The following CAMKK2 variants were observed in gnomAD, a reference collection of about 807,000 sequenced individuals.
The protein encoded by CAMKK2 is calcium/calmodulin dependent protein kinase kinase 2.
CAMKK2 carries 30 observed loss-of-function variants against 67.2 expected under a neutral mutation model. That is an observed-to-expected ratio of 0.45 (90% CI 0.33 to 0.61). CAMKK2 has a LOEUF of 0.61. Among genes scored for constraint, CAMKK2 ranks in the 20% least tolerant of loss-of-function variants. The pLI is 0.02. For synonymous variants in CAMKK2, 322 were observed against 326.2 expected (o/e 0.99, Z 0.14); for missense variants, 643 against 802.0 (o/e 0.80, Z 2.39).
At position 121,285,984 on chromosome 12, in the gene CAMKK2, G is replaced by T. The variant is rs1243714704; in HGVS notation, c.-60+10654C>A. On this transcript the variant is annotated intron_variant, in intron 1 of 16. Transcript: ENST00000404169. The surrounding 1 kb of genome is among the most constrained non-coding windows in gnomAD (Gnocchi z 4.1). ...CCTGCCTCAGAATGAAGTCTAAGAAGAGAGAAGAGAGGTAATGGATGGAAA... is the reference window on the plus strand; with the variant it reads ...CCTGCCTCAGAATGAAGTCTAAGAATAGAGAAGAGAGGTAATGGATGGAAA... Among the ~76,000 whole-genome samples, 3 of 152,226 alleles carry T rather than the reference G, an allele frequency of 2.0e-5. No individual in the cohort carries two copies. Among genetic ancestry groups the T allele is most frequent in the African/African-American group, 7.2e-5 (3 of 41,452 alleles).
rs942691694 is a variant in CAMKK2 at position 121,285,442 on chromosome 12, GCA to G, written c.-59-10859_-59-10858del. Among the ~76,000 whole-genome samples the G allele has an allele frequency of 5.3e-5, 8 of 152,198 alleles. No individual in the cohort carries two copies. Among genetic ancestry groups the G allele is most frequent in the Admixed American group, 1.3e-4 (2 of 15,280 alleles). On this transcript the variant is annotated intron_variant, in intron 1 of 16. Coordinates refer to ENST00000404169, the MANE Select transcript of CAMKK2 (RefSeq NM_001270485.2). This position sits in a 1 kb window ranked among gnomAD's most constrained non-coding sequence, Gnocchi z 4.1. ...CACTTGAACCCGGGAGGGGGAGGTT[GCA>G]GTGAGCCAAGATTGCACCACTGCAC...
At chr12:121,265,339 A>G (rs1894312635) in intron 5 of CAMKK2, among the ~76,000 whole-genome samples, 1 of 147,610 alleles carries the variant, frequency 6.8e-6, no homozygotes, top group Non-Finnish European at 1.5e-5. Flanking sequence ...GACACGCGTC[A>G]TATAGCTGGA....
At chr12:121,268,458 G>A (rs557013395) in intron 5 of CAMKK2, among the ~76,000 whole-genome samples, 180 bp downstream of exon 5, 22 of 152,078 alleles carry the variant, frequency 1.4e-4, no homozygotes, top group African/African-American at 2.9e-4. Flanking sequence ...GCAGTGGTGC[G>A]ATCTTGGCTC....
At chr12:121,247,597 G>T (rs981266737) in intron 14 of CAMKK2, among the ~76,000 whole-genome samples, 1 of 152,182 alleles carries the variant, frequency 6.6e-6, no homozygotes, top group African/African-American at 2.4e-5. Flanking sequence ...GAGTGGGTGT[G>T]GGTGGGTCTT....
At chr12:121,289,145 G>A (rs890873794) in intron 1 of CAMKK2, among the ~76,000 whole-genome samples, 16 of 151,940 alleles carry the variant, frequency 1.1e-4, no homozygotes, top group East Asian at 3.9e-4. Flanking sequence ...ACTCTGCCCC[G>A]TTTCCGTCAC....
At chr12:121,255,705 G>C in intron 8 of CAMKK2, 67 bp from the exon 9 acceptor site, 2 of 1,604,308 alleles carry the variant, frequency 1.2e-6, no homozygotes, top group Non-Finnish European at 1.7e-6. Flanking sequence ...CTCATGAGCA[G>C]AGCCCAGTGG....
rs368739808 is a variant in CAMKK2 at position 121,289,163 on chromosome 12, GC to G, written c.-60+7474del. 5.2e-4 allele frequency among the ~76,000 whole-genome samples: 79 copies of G among 152,028 alleles called. 2 individuals are homozygous for G. The South Asian group carries it at 6.7e-3, about 13-fold the overall frequency. ...CTGCCCCGTTTCCGTCACCTCCTGG[GC>G]CTCCTTCCAGCTTTCCAAAAAGCGA... is the stretch of plus-strand genomic sequence containing the variant. On this transcript the variant is annotated intron_variant, in intron 1 of 16. Coordinates refer to ENST00000404169, the MANE Select transcript of CAMKK2 (RefSeq NM_001270485.2).
At chr12:121,265,945 T>C (rs530572853) in intron 5 of CAMKK2, among the ~76,000 whole-genome samples, 1 of 152,200 alleles carries the variant, frequency 6.6e-6, no homozygotes, top group East Asian at 1.9e-4. Context: ...CTATGTTTGT[T>C]TGTCTGTTTT....
chr12:121,258,536 G>A (rs540094471), intron 7 of CAMKK2, among the ~76,000 whole-genome samples: 1 of 152,254 alleles, frequency 6.6e-6, no homozygotes, highest in South Asian at 2.1e-4. Flanking sequence ...TGTAGCTGCA[G>A]ACCCTTTCTG....
In CAMKK2 at chr12:121,239,441, A is replaced by G. The variant is rs201590707; in HGVS notation, c.*1258T>C. ...GCTACAAAGGGGAACTTCCTGTGCC[A>G]AGCCCTGGTTTCCTCATACCCCAAC... On this transcript the variant is annotated 3_prime_UTR_variant, in exon 17 of 17. Coordinates refer to ENST00000404169, the MANE Select transcript of CAMKK2 (RefSeq NM_001270485.2). 2.0e-5 allele frequency: 3 copies of G among 152,238 alleles called. No homozygotes were observed. The highest frequency in any genetic ancestry group is 2.9e-5 in the Non-Finnish European group (2 of 68,038). The allele number at this position is 152,238 out of a possible 1,614,324, so 9.4% of individuals were successfully genotyped here.
chr12:121,272,871 T>A (rs1896041133), intron 2 of CAMKK2, among the ~76,000 whole-genome samples: 1 of 151,990 alleles, frequency 6.6e-6, no homozygotes, highest in Non-Finnish European at 1.5e-5. Flanking sequence ...ACCCTCTGTC[T>A]CAACAACAAC....
At chr12:121,295,256 G>A (rs1900912806) in intron 1 of CAMKK2, among the ~76,000 whole-genome samples, 1 of 152,138 alleles carries the variant, frequency 6.6e-6, no homozygotes, top group Non-Finnish European at 1.5e-5. Flanking sequence ...TATGTTTTGC[G>A]TCCTCATCAC....
intron 6 of CAMKK2, among the ~76,000 whole-genome samples, chr12:121,262,601 C>A (rs1893686694): frequency 6.6e-6 from 1 of 152,090 alleles, no homozygotes; most frequent in Non-Finnish European, 1.5e-5. Flanking sequence ...CTCTGTCTCC[C>A]AGGCTCGAGT....
intron 1 of CAMKK2, among the ~76,000 whole-genome samples, chr12:121,279,814 AC>A (rs1897427521): frequency 6.6e-6 from 1 of 152,116 alleles, no homozygotes; most frequent in Admixed American, 6.5e-5. Flanking sequence ...TGGACCCGGG[AC>A]CCGGGCCAGG....
chr12:121,271,443 G>T (rs1895761454), intron 2 of CAMKK2, among the ~76,000 whole-genome samples: 1 of 152,128 alleles, frequency 6.6e-6, no homozygotes, highest in Admixed American at 6.6e-5. Flanking sequence ...CGCTGATTTT[G>T]CTTGTTGTAC....
intron 1 of CAMKK2, among the ~76,000 whole-genome samples, chr12:121,283,581 G>A (rs531504428): frequency 3.3e-5 from 5 of 152,262 alleles, no homozygotes; most frequent in East Asian, 1.9e-4. Flanking sequence ...CTGGGAGACC[G>A]AGGTGGGAGG....
At position 121,252,711 on chromosome 12, in the gene CAMKK2, A is replaced by C; in HGVS notation, c.1111T>G (p.Leu371Val). Residue 371 changes from leucine (L) to valine (V), a missense_variant, in exon 11 of 17, where the codon TTG (leucine) becomes GTG (valine). Leu to Val is a conservative substitution (Grantham distance 32). Around this residue, in one of 3 missense-constraint regions of CAMKK2, gnomAD observed 483 missense variants for 625.8 expected, o/e 0.77. Transcript: ENST00000404169. Reference protein sequence around the residue: ...ETRKIFSGKALDVWAMGVTLY... With the variant: ...ETRKIFSGKAVDVWAMGVTLY... The stretch of plus-strand genomic sequence containing the variant: ...GTCACACCCATGGCCCAAACATCCA[A>C]GGCCTGCAAGAAAAAGAGCTTAGTG... The C allele has an allele frequency of 6.2e-7, 1 of 1,614,186 alleles. No homozygotes were observed. Among genetic ancestry groups the C allele is most frequent in the African/African-American group, 1.3e-5 (1 of 75,058 alleles).
chr12:121,274,795 C>CT lies in CAMKK2; in HGVS notation c.-59-211dup, dbSNP rs200455303. ...TATATTTTTTCTTTTATTATTTTTT[C>CT]TTTTTTTTTCTTTTTTTTTTTTTTG... On this transcript the variant is annotated intron_variant, in intron 1 of 16. Coordinates refer to ENST00000404169, the MANE Select transcript of CAMKK2 (RefSeq NM_001270485.2). Among the ~76,000 whole-genome samples the CT allele has an allele frequency of 1.4e-4, 16 of 117,134 alleles. No homozygotes were observed. The East Asian group carries it at 2.2e-3, about 16-fold the overall frequency. The allele number at this position is 117,134 out of a possible 152,430, so 76.8% of individuals were successfully genotyped here.
At chr12:121,262,543 A>T (rs1392303806) in intron 6 of CAMKK2, among the ~76,000 whole-genome samples, 1 of 147,016 alleles carries the variant, frequency 6.8e-6, no homozygotes, top group Non-Finnish European at 1.5e-5. Flanking sequence ...TCATGTTAAT[A>T]CGCAATAAGC....
Sources: gnomAD v4.1 joint callset for allele counts (sites outside exome capture counted in the v4.1 genomes callset) on GRCh38, gnomAD v4.1.1 for gene constraint, gnomAD v4.1.1 regional missense constraint, Gnocchi (gnomAD v3.1) non-coding constraint, MANE v1.5 for transcripts, NCBI Gene and HGNC (gene_info 2026-07-23, HGNC 2026-07-21) for gene names.